The following ADAM22 variants were observed in gnomAD, a reference collection of about 807,000 sequenced individuals.
ADAM22 encodes the protein disintegrin and metalloproteinase domain-containing protein 22.
A neutral mutation model predicts 144.6 loss-of-function variants in ADAM22; 65 were observed. The ratio of observed to expected loss-of-function variants is 0.45; its 90% CI spans 0.37 to 0.55. ADAM22 has a LOEUF of 0.55. ADAM22 is among the 20% of genes least tolerant of loss of function. The probability of loss-of-function intolerance (pLI) is 0.00; values close to 1 mark genes in which losing one functional copy is unlikely to be tolerated. For synonymous variants in ADAM22, 391 were observed against 412.6 expected (o/e 0.95, Z 0.63); for missense variants, 974 against 1,184.9 (o/e 0.82, Z 2.61).
chr7:88,104,691 C>G (rs1823880296), intron 4 of ADAM22, among the ~76,000 whole-genome samples: 1 of 151,656 alleles, frequency 6.6e-6, no homozygotes, highest in Admixed American at 6.6e-5. Flanking sequence ...ATTAATAGTC[C>G]CTGAAAAATA....
rs536024135 is a variant in ADAM22, at chr7:87,963,359, A to T, written c.247-14977A>T. ...TTTTCAGAAGTGAATAAGTTCTCCT[A>T]GGGTATCATTTGATAAATTAAATAA... On this transcript the variant is annotated intron_variant, in intron 2 of 31. Coordinates refer to ENST00000413139, the MANE Select transcript of ADAM22 (RefSeq NM_001324418.2). Among the ~76,000 whole-genome samples, 107 of 152,306 alleles carry T rather than the reference A, an allele frequency of 7.0e-4. 1 individual carries two copies. In the South Asian group the frequency reaches 1.0e-2, roughly 14 times the overall value.
At chr7:88,109,319 C>T (rs1235569021) in intron 5 of ADAM22, among the ~76,000 whole-genome samples, 1 of 152,174 alleles carries the variant, frequency 6.6e-6, no homozygotes, top group Non-Finnish European at 1.5e-5. Context: ...CATGGGAATA[C>T]ATCCACTTCC....
Position 88,110,343 on chromosome 7 carries a change from G to GT in ADAM22, c.473+2093dup, listed in dbSNP as rs200050410. On this transcript the variant is annotated intron_variant, in intron 5 of 31. Transcript: ENST00000413139. ...GTATATTGGGGGTAAAAAATGAAGT[G>GT]TTTTTTTTCCCCTTTTCTCTCTCTT... Among the ~76,000 whole-genome samples, 214 of 151,884 alleles carry GT rather than the reference G, an allele frequency of 1.4e-3. 1 individual carries two copies. The highest frequency in any genetic ancestry group is 4.5e-3 in the African/African-American group (185 of 41,410).
intron 7 of ADAM22, among the ~76,000 whole-genome samples, 189 bp downstream of exon 7, chr7:88,117,003 T>C (rs552433122): frequency 1.3e-5 from 2 of 152,220 alleles, no homozygotes; most frequent in East Asian, 1.9e-4. Context: ...TTTGGAAAGA[T>C]GTGGAGGAAA....
intron 3 of ADAM22, among the ~76,000 whole-genome samples, chr7:88,026,987 T>A (rs1799161129): frequency 6.6e-6 from 1 of 152,192 alleles, no homozygotes; most frequent in African/African-American, 2.4e-5. Context: ...AATGAAATGA[T>A]CATATGAATT....
At chr7:88,122,453 C>T (rs930381683) in intron 7 of ADAM22, among the ~76,000 whole-genome samples, 3 of 152,150 alleles carry the variant, frequency 2.0e-5, no homozygotes, top group Non-Finnish European at 4.4e-5. Context: ...TATTAGAGGT[C>T]ATCTTAAAGT....
chr7:88,075,743 A>G (rs1814240080), intron 4 of ADAM22, 51 bp downstream of exon 4: 2 of 1,211,790 alleles, frequency 1.7e-6, no homozygotes, highest in Non-Finnish European at 2.4e-6. Context: ...ATCTTTTAAT[A>G]CTACTGATTA....
In ADAM22 at chr7:88,091,553, T is replaced by C. The variant is rs186469171; in HGVS notation, c.390+15861T>C. Among the ~76,000 whole-genome samples, 30 of 152,282 alleles carry C rather than the reference T, an allele frequency of 2.0e-4. No individual in the cohort carries two copies. In the East Asian group the frequency reaches 4.0e-3, roughly 21 times the overall value. On this transcript the variant is annotated intron_variant, in intron 4 of 31. Transcript: ENST00000413139. Reference sequence around the variant, plus strand: ...GCAAATACTTGTATGGTATTTACTATGTGCTAGATGCCAGTCTAAGTGTTT... The same window carrying C: ...GCAAATACTTGTATGGTATTTACTACGTGCTAGATGCCAGTCTAAGTGTTT...
intron 2 of ADAM22, among the ~76,000 whole-genome samples, chr7:87,973,373 C>G (rs2129447722): frequency 6.7e-6 from 1 of 149,486 alleles, no homozygotes; most frequent in South Asian, 2.1e-4. Context: ...AAATGCAAAT[C>G]AAAACCACAA....
intron 2 of ADAM22, among the ~76,000 whole-genome samples, chr7:87,950,458 G>A (rs1844777657): frequency 6.7e-6 from 1 of 148,688 alleles, no homozygotes; most frequent in Non-Finnish European, 1.5e-5. Context: ...TCCCTACAAA[G>A]GACATGAACT....
At chr7:87,956,866 G>A (rs1462118105) in intron 2 of ADAM22, among the ~76,000 whole-genome samples, 1 of 152,124 alleles carries the variant, frequency 6.6e-6, no homozygotes, top group Non-Finnish European at 1.5e-5. Context: ...TAAAATAATG[G>A]TGCCGTGAAC....
rs1352695025 is a variant in ADAM22, at chr7:88,196,517, C to G, written c.*26C>G. On this transcript the variant is annotated 3_prime_UTR_variant, in exon 32 of 32. Transcript: ENST00000413139. ...GATCAACTGTTTACATGTGATACATCGAAAACTGTTTACTTCAACTTTTAT... is the reference window on the plus strand; with the variant it reads ...GATCAACTGTTTACATGTGATACATGGAAAACTGTTTACTTCAACTTTTAT... The G allele has an allele frequency of 6.2e-7, 1 of 1,613,372 alleles. No homozygotes were observed. The highest frequency in any genetic ancestry group is 8.5e-7 in the Non-Finnish European group (1 of 1,179,514).
At chr7:88,038,617 G>T (rs1359916802) in intron 3 of ADAM22, among the ~76,000 whole-genome samples, 2 of 151,676 alleles carry the variant, frequency 1.3e-5, no homozygotes, top group African/African-American at 4.8e-5. Flanking sequence ...ACCATGCCCG[G>T]CTAATTTTTG....
At position 88,201,846 on chromosome 7, in the gene ADAM22, G is replaced by T. The variant is rs1041085759; in HGVS notation, c.*5355G>T. 6.6e-6 allele frequency: 1 copy of T among 151,980 alleles called. No homozygotes were observed. Among genetic ancestry groups the T allele is most frequent in the African/African-American group, 2.4e-5 (1 of 41,366 alleles). The allele number at this position is 151,980 out of a possible 1,614,324, so 9.4% of individuals were successfully genotyped here. On this transcript the variant is annotated 3_prime_UTR_variant, in exon 32 of 32. Coordinates refer to ENST00000413139, the MANE Select transcript of ADAM22 (RefSeq NM_001324418.2). ...AGTTTCAAAGAGTTTATGAAGAAAA[G>T]GTATTTTCCTTTCTTGTAAAAAATG...
At chr7:88,041,144 G>A (rs779105909) in intron 3 of ADAM22, among the ~76,000 whole-genome samples, 30 of 151,966 alleles carry the variant, frequency 2.0e-4, no homozygotes, top group Admixed American at 3.3e-4. Flanking sequence ...TTACATCTGT[G>A]AAAACCCCTT....
chr7:87,940,055 G>T (rs139160322), intron 2 of ADAM22, among the ~76,000 whole-genome samples: 33 of 152,012 alleles, frequency 2.2e-4, no homozygotes, highest in African/African-American at 7.5e-4. Context: ...AGCCTGGTGT[G>T]GTGGTGGGCA....
chr7:88,169,563 G>C (rs532891937), intron 25 of ADAM22, among the ~76,000 whole-genome samples: 1 of 152,162 alleles, frequency 6.6e-6, no homozygotes, highest in African/African-American at 2.4e-5. Flanking sequence ...CTTTGGCGCA[G>C]TTGGCTTAAG....
At chr7:88,130,504 T>A (rs373728962) in intron 10 of ADAM22, 45 bp downstream of exon 10, 17 of 1,529,364 alleles carry the variant, frequency 1.1e-5, no homozygotes, top group Non-Finnish European at 1.4e-5. Context: ...GATTCTTATT[T>A]CCTAATTGCT....
chr7:88,065,734 T>A (rs1811065088), intron 3 of ADAM22, among the ~76,000 whole-genome samples: 1 of 152,114 alleles, frequency 6.6e-6, no homozygotes, highest in African/African-American at 2.4e-5. Context: ...TGCTTTAAAA[T>A]TTTTCAGTGT....
Sources: gnomAD v4.1 joint callset for allele counts (sites outside exome capture counted in the v4.1 genomes callset) on GRCh38, gnomAD v4.1.1 for gene constraint, MANE v1.5 for transcripts, NCBI Gene and HGNC (gene_info 2026-07-23, HGNC 2026-07-21) for gene names.